NAT10: variants seen among roughly 807,000 people sequenced by gnomAD.
The protein encoded by NAT10 is RNA cytidine acetyltransferase.
Under a neutral mutation model 132.2 loss-of-function variants are expected in NAT10, and 109 were observed. That is an observed-to-expected ratio of 0.82 (90% CI 0.71 to 0.97). The LOEUF (loss-of-function observed/expected upper bound fraction) is 0.97. NAT10 is among the 50% of genes least tolerant of loss of function. The pLI, the probability that NAT10 is intolerant of heterozygous loss-of-function variation, is 0.00. For missense variants in NAT10, 1,184 were observed against 1,263.4 expected, an observed-to-expected ratio of 0.94 and a Z score of 0.95; for synonymous variants, 479 against 478.0, an observed-to-expected ratio of 1.00 and a Z score of -0.03.
At chr11:34,109,973 G>A (rs1851665045) in intron 3 of NAT10, among the ~76,000 whole-genome samples, 1 of 152,198 alleles carries the variant, frequency 6.6e-6, no homozygotes, top group South Asian at 2.1e-4. Flanking sequence ...GCCAGAGGAG[G>A]GTGGGGTTGG....
In NAT10 at chr11:34,139,411, C is replaced by G; in HGVS notation, c.2335C>G (p.Leu779Val). Residue 779 changes from leucine (L) to valine (V), a missense_variant, in exon 23 of 29, where the codon CTC (leucine) becomes GTC (valine). Coordinates refer to ENST00000257829, the MANE Select transcript of NAT10 (RefSeq NM_024662.3). Reference sequence around the variant, plus strand: ...TTTCCGACGGCGGTTCCTAGCCTTGCTCTCCTACCAGTTCAGTACCTTCTC... The same window carrying G: ...TTTCCGACGGCGGTTCCTAGCCTTGGTCTCCTACCAGTTCAGTACCTTCTC... ...KDFRRRFLAL[L>V]SYQFSTFSPS... 1 of 1,614,178 alleles carries G rather than the reference C, an allele frequency of 6.2e-7. No homozygotes were observed. The highest frequency in any genetic ancestry group is 8.5e-7 in the Non-Finnish European group (1 of 1,180,034).
At chr11:34,126,955 CAG>C (rs138876693) in intron 11 of NAT10, among the ~76,000 whole-genome samples, 2,555 of 152,244 alleles carry the variant, frequency 0.017, 51 homozygotes, top group African/African-American at 0.058. Flanking sequence ...GCAGGGAGCA[CAG>C]TGCCCGGCAT....
At chr11:34,107,758 C>T (rs958675882) in intron 1 of NAT10, among the ~76,000 whole-genome samples, 2 of 152,116 alleles carry the variant, frequency 1.3e-5, no homozygotes, top group Non-Finnish European at 2.9e-5. Context: ...GCCTGTAGTC[C>T]CAGCTACCTG....
Position 34,105,722 on chromosome 11 carries a change from T to A in NAT10, c.-86T>A, listed in dbSNP as rs1474394463. The A allele has an allele frequency of 6.6e-6, 1 of 152,336 alleles. No individual in the cohort carries two copies. Among genetic ancestry groups the A allele is most frequent in the Admixed American group, 6.5e-5 (1 of 15,276 alleles). 9.4% of individuals were successfully genotyped at this position (152,336 alleles called of 1,614,324 possible). ...GGGGCAGTCAGCTGTGCCTTCTCTT[T>A]CGGAGTTGTTCCGTGCTCCCACGTG... On this transcript the variant is annotated 5_prime_UTR_variant, in exon 1 of 29. Transcript: ENST00000257829.
chr11:34,145,002 A>C (rs1247087988), intron 28 of NAT10, among the ~76,000 whole-genome samples: 1 of 152,196 alleles, frequency 6.6e-6, no homozygotes, highest in East Asian at 1.9e-4. Context: ...CTCATTTCCC[A>C]GATGCTTTGT....
chr11:34,130,805 G>C lies in NAT10; in HGVS notation c.1245-8G>C. 1 of 1,613,938 alleles carries C rather than the reference G, an allele frequency of 6.2e-7. No individual in the cohort carries two copies. The highest frequency in any genetic ancestry group is 8.5e-7 in the Non-Finnish European group (1 of 1,179,886). On this transcript the variant is annotated splice_region_variant and splice_polypyrimidine_tract_variant and intron_variant, in intron 12 of 28. Coordinates refer to ENST00000257829, the MANE Select transcript of NAT10 (RefSeq NM_024662.3). The stretch of plus-strand genomic sequence containing the variant: ...CTTGTGCCTGATTCCTTTTGCCTTT[G>C]TTTCTAGCTATGAGGGCACTGGCCG...
At chr11:34,140,949 A>C (rs1209868964) in intron 24 of NAT10, 140 bp from the exon 25 acceptor site, 7 of 1,173,598 alleles carry the variant, frequency 6.0e-6, no homozygotes, top group Non-Finnish European at 7.3e-6. Flanking sequence ...ACAGGATGAA[A>C]GAGAAGATGC....
Position 34,140,411 on chromosome 11 carries a change from G to A in NAT10, c.2431G>A (p.Glu811Lys). The change falls in exon 24 of 29, where the codon GAG (glutamate) becomes AAG (lysine). Residue 811 changes from glutamate (E) to lysine (K), a missense_variant. Transcript: ENST00000257829. ...GKPAQPALSREELEALFLPYD... is the reference protein window; with the variant it reads ...GKPAQPALSRKELEALFLPYD... ...TATCCCATGGACAGCCCTGAGCCGG[G>A]AGGAGCTGGAAGCACTCTTCCTCCC... 1 of 1,613,670 alleles carries A rather than the reference G, an allele frequency of 6.2e-7. No homozygotes were observed. Among genetic ancestry groups the A allele is most frequent in the Non-Finnish European group, 8.5e-7 (1 of 1,179,592 alleles).
At position 34,123,747 on chromosome 11, in the gene NAT10, T is replaced by A; in HGVS notation, c.915-15T>A. ...CCTAATTTCTTAAAAATCCTTCTTT[T>A]ATTTTGTTCTGTAGGTACTCCAATA... is the stretch of plus-strand genomic sequence containing the variant. On this transcript the variant is annotated splice_polypyrimidine_tract_variant and intron_variant, in intron 9 of 28. Coordinates refer to ENST00000257829, the MANE Select transcript of NAT10 (RefSeq NM_024662.3). 1 of 1,519,688 alleles carries A rather than the reference T, an allele frequency of 6.6e-7. No individual in the cohort carries two copies. The allele number at this position is 1,519,688 out of a possible 1,614,324, so 94.1% of individuals were successfully genotyped here. A position where few individuals can be genotyped will look rare whatever the true frequency, so the allele number is the denominator to read the frequency against.
chr11:34,107,800 A>G (rs1477267596), intron 1 of NAT10, among the ~76,000 whole-genome samples: 1 of 152,206 alleles, frequency 6.6e-6, no homozygotes, highest in Admixed American at 6.5e-5. Flanking sequence ...GCTTGAACCC[A>G]GGAAGCAGAG....
intron 1 of NAT10, among the ~76,000 whole-genome samples, chr11:34,106,352 C>T (rs986094510): frequency 6.6e-6 from 1 of 152,040 alleles, no homozygotes; most frequent in South Asian, 2.1e-4. Context: ...CCATCCAGGC[C>T]TTCCATGACA....
Position 34,146,176 on chromosome 11 carries a change from T to A in NAT10, c.3062T>A (p.Leu1021Gln), listed in dbSNP as rs1456879010. The change falls in exon 29 of 29, where the codon CTG (leucine) becomes CAG (glutamine). Residue 1021 changes from leucine to glutamine, a missense_variant. Coordinates refer to ENST00000257829, the MANE Select transcript of NAT10 (RefSeq NM_024662.3). Reference protein sequence around the residue: ...RETKNKKDMKLKRKK With the variant: ...RETKNKKDMKQKRKK ...ACAAAGAACAAAAAAGATATGAAAC[T>A]GAAGCGGAAGAAATAGTGAAGAGAA... The A allele has an allele frequency of 6.2e-7, 1 of 1,603,652 alleles. No homozygotes were observed. Among genetic ancestry groups the A allele is most frequent in the Non-Finnish European group, 8.5e-7 (1 of 1,174,638 alleles).
Position 34,139,169 on chromosome 11 carries a change from GTTAAACCTC to G in NAT10, c.2212-20_2212-12del. On this transcript the variant is annotated splice_polypyrimidine_tract_variant and intron_variant, in intron 21 of 28. Transcript: ENST00000257829. The stretch of plus-strand genomic sequence containing the variant: ...CAAAAAAAGGGGGTTCTTGGTGCCA[GTTAAACCTC>G]TGTGTTGCCCAGAATGACCTGACCG... The G allele has an allele frequency of 6.2e-7, 1 of 1,608,580 alleles. No individual in the cohort carries two copies. Among genetic ancestry groups the G allele is most frequent in the Non-Finnish European group, 8.5e-7 (1 of 1,175,212 alleles).
chr11:34,133,968 C>CG (rs1165984174), intron 16 of NAT10, among the ~76,000 whole-genome samples: 2 of 149,192 alleles, frequency 1.3e-5, no homozygotes, highest in African/African-American at 5.0e-5. Context: ...CTGGCTAACA[C>CG]GGTGAAACCC....
chr11:34,107,608 A>G (rs1851617976), intron 1 of NAT10, among the ~76,000 whole-genome samples: 1 of 152,234 alleles, frequency 6.6e-6, no homozygotes, highest in Admixed American at 6.5e-5. Context: ...TCTTGTCATA[A>G]GCATCTATAT....
At chr11:34,144,456 G>A (rs1852397410) in intron 28 of NAT10, among the ~76,000 whole-genome samples, 1 of 152,136 alleles carries the variant, frequency 6.6e-6, no homozygotes, top group Admixed American at 6.5e-5. Flanking sequence ...TTAACAGAAG[G>A]CAGCCGGATA....
chr11:34,136,457 T>C (rs1852214644), intron 19 of NAT10, among the ~76,000 whole-genome samples, 185 bp from the exon 20 acceptor site: 1 of 152,236 alleles, frequency 6.6e-6, no homozygotes, highest in Non-Finnish European at 1.5e-5. Context: ...TCTATGCATG[T>C]TGAGGTGTTT....
At chr11:34,122,216 A>G (rs1327482675) in intron 8 of NAT10, among the ~76,000 whole-genome samples, 2 of 152,186 alleles carry the variant, frequency 1.3e-5, no homozygotes, top group Admixed American at 6.5e-5. Flanking sequence ...GAAGTGGTCC[A>G]GACTGAAGCT....
intron 18 of NAT10, 60 bp downstream of exon 18, chr11:34,134,646 A>C: frequency 2.6e-6 from 4 of 1,526,794 alleles, no homozygotes; most frequent in Non-Finnish European, 3.6e-6. Context: ...GGGTGGGGGT[A>C]CTTGGTGGCT....
Sources: gnomAD v4.1 joint callset for allele counts (sites outside exome capture counted in the v4.1 genomes callset) on GRCh38, gnomAD v4.1.1 for gene constraint, MANE v1.5 for transcripts, NCBI Gene and HGNC (gene_info 2026-07-23, HGNC 2026-07-21) for gene names.